Variants in PIGU observed in about 807,000 individuals in gnomAD.
PIGU encodes the protein GPI-anchor transamidase component PIGU.
PIGU carries 24 observed loss-of-function variants against 49.9 expected under a neutral mutation model. The observed-to-expected ratio is 0.48, with a 90% confidence interval of 0.35 to 0.68. PIGU has a LOEUF of 0.68. Ranked by LOEUF, PIGU falls within the 30% of genes least tolerant of loss-of-function variation. The pLI, the probability that PIGU is intolerant of heterozygous loss-of-function variation, is 0.01. For synonymous variants in PIGU, 220 were observed against 205.7 expected (o/e 1.07, Z -0.59); for missense variants, 490 against 532.6 (o/e 0.92, Z 0.79).
Position 34,676,995 on chromosome 20 carries a change from G to C in PIGU, c.91C>G (p.Arg31Gly), listed in dbSNP as rs1321340964. The C allele has an allele frequency of 1.9e-6, 3 of 1,582,712 alleles. No homozygotes were observed. Among genetic ancestry groups the C allele is most frequent in the Non-Finnish European group, 2.6e-6 (3 of 1,165,358 alleles). Residue 31 changes from arginine (R) to glycine (G), a missense_variant, in exon 1 of 12, where the codon CGG (arginine) becomes GGG (glycine). Transcript: ENST00000217446. ...RSSLAEFISE[R>G]VEVVSPLSSW... The stretch of plus-strand genomic sequence containing the variant: ...CTCAGTGGGGACACCACCTCCACCC[G>C]CTCGGAAATGAACTCGGCCAGACTG...
At chr20:34,624,856 G>A (rs1271755204) in intron 6 of PIGU, among the ~76,000 whole-genome samples, 1 of 152,088 alleles carries the variant, frequency 6.6e-6, no homozygotes, top group Non-Finnish European at 1.5e-5. Context: ...ATCTCTCAGA[G>A]TGTCCCAGGC....
At chr20:34,615,100 A>T (rs900606795) in intron 7 of PIGU, among the ~76,000 whole-genome samples, 1 of 152,222 alleles carries the variant, frequency 6.6e-6, no homozygotes, top group African/African-American at 2.4e-5. Flanking sequence ...TAAGTGACTT[A>T]ACCTCCCAAC....
intron 7 of PIGU, among the ~76,000 whole-genome samples, chr20:34,602,116 C>T: frequency 1.3e-5 from 2 of 151,828 alleles, no homozygotes; most frequent in Non-Finnish European, 2.9e-5. Context: ...AACCCGTCTC[C>T]ATTAAAAATA....
intron 10 of PIGU, among the ~76,000 whole-genome samples, chr20:34,578,664 C>T (rs530366663): frequency 6.6e-6 from 1 of 152,334 alleles, no homozygotes; most frequent in Admixed American, 6.5e-5. Context: ...AGAGAACCAT[C>T]ACCAGCATGC....
intron 6 of PIGU, among the ~76,000 whole-genome samples, chr20:34,619,171 A>G (rs963277446): frequency 1.3e-5 from 2 of 152,226 alleles, no homozygotes; most frequent in African/African-American, 4.8e-5. Context: ...CTGTCTCGCC[A>G]TATTGACAGT....
intron 7 of PIGU, among the ~76,000 whole-genome samples, chr20:34,599,562 T>G (rs1964019704): frequency 6.6e-6 from 1 of 152,172 alleles, no homozygotes; most frequent in African/African-American, 2.4e-5. Flanking sequence ...GAGTGCACCC[T>G]TGAAGATGTA....
intron 1 of PIGU, among the ~76,000 whole-genome samples, chr20:34,668,508 C>T (rs1600674960): frequency 7.4e-6 from 1 of 135,114 alleles, no homozygotes; most frequent in East Asian, 2.2e-4. Context: ...TGCTGGCTCA[C>T]ACCCGTAATC....
In PIGU at chr20:34,676,583, G is replaced by A. The variant is rs1471305413; in HGVS notation, c.130+373C>T. Among the ~76,000 whole-genome samples, 3 of 152,088 alleles carry A rather than the reference G, an allele frequency of 2.0e-5. No homozygotes were observed. In the South Asian group the frequency reaches 6.2e-4, roughly 32 times the overall value. ...TTTTATCCCAGGGAGCACCCCTGGC[G>A]ATCCCGCCCCAAATCCCAAACTCCT... On this transcript the variant is annotated intron_variant, in intron 1 of 11. Transcript: ENST00000217446.
intron 6 of PIGU, among the ~76,000 whole-genome samples, chr20:34,621,362 CAAAT>C (rs1397173783): frequency 9.2e-5 from 14 of 151,576 alleles, no homozygotes; most frequent in Admixed American, 9.2e-4. Flanking sequence ...AAATCTAACT[CAAAT>C]AAAGCAGAGC....
At chr20:34,575,757 C>T (rs1983206147) in intron 10 of PIGU, among the ~76,000 whole-genome samples, 1 of 152,148 alleles carries the variant, frequency 6.6e-6, no homozygotes, top group African/African-American at 2.4e-5. Flanking sequence ...TGTCTTAGGA[C>T]CCCTGCCTCG....
rs1568641132 is a variant in PIGU, at chr20:34,616,277, AT to A, written c.530-139del. 5 of 906,154 alleles carry A rather than the reference AT, an allele frequency of 5.5e-6. No individual in the cohort carries two copies. The African/African-American group carries it at 7.1e-5, about 13-fold the overall frequency. The allele number at this position is 906,154 out of a possible 1,614,324, so 56.1% of individuals were successfully genotyped here. On this transcript the variant is annotated intron_variant, in intron 6 of 11. Transcript: ENST00000217446. ...AGTGCCTCCTGGTACACAAGGTGCT[AT>A]GCAAATTCACACAGTAAGAGCTTCT...
At chr20:34,658,548 G>A (rs1986791934) in intron 1 of PIGU, among the ~76,000 whole-genome samples, 2 of 151,754 alleles carry the variant, frequency 1.3e-5, no homozygotes. Context: ...AGGAAGTGAG[G>A]AGCGTCTCTG....
intron 6 of PIGU, among the ~76,000 whole-genome samples, chr20:34,622,586 G>A (rs147044192): frequency 4.1e-4 from 63 of 152,074 alleles, no homozygotes; most frequent in African/African-American, 1.3e-3. Flanking sequence ...GTCAGATCAC[G>A]GAGGGCTAAG....
At chr20:34,563,399 C>G (rs1295858761) in intron 11 of PIGU, among the ~76,000 whole-genome samples, 1 of 151,840 alleles carries the variant, frequency 6.6e-6, no homozygotes, top group Non-Finnish European at 1.5e-5. Context: ...GAAACCCCGT[C>G]TCTACTAAAA....
intron 7 of PIGU, among the ~76,000 whole-genome samples, chr20:34,605,372 C>G (rs1472979791): frequency 2.0e-5 from 3 of 152,260 alleles, no homozygotes; most frequent in African/African-American, 7.2e-5. Context: ...GAAATTCCAC[C>G]AGCAGAATGG....
At chr20:34,579,801 G>C (rs1983386488) in intron 10 of PIGU, among the ~76,000 whole-genome samples, 1 of 152,164 alleles carries the variant, frequency 6.6e-6, no homozygotes. Flanking sequence ...GCATAAAATA[G>C]TTTATTCGTC....
intron 2 of PIGU, among the ~76,000 whole-genome samples, chr20:34,646,523 C>T (rs1258823444): frequency 6.6e-6 from 1 of 152,102 alleles, no homozygotes; most frequent in Non-Finnish European, 1.5e-5. Flanking sequence ...ATTCTCCTGC[C>T]TCAGCCTCCC....
rs563435478 is a variant in PIGU at position 34,589,277 on chromosome 20, T to C, written c.628-670A>G. Among the ~76,000 whole-genome samples the C allele has an allele frequency of 4.6e-5, 7 of 152,294 alleles. No homozygotes were observed. In the South Asian group the frequency reaches 1.2e-3, roughly 27 times the overall value. ...AACTTCATATAACCTGGCATTCATA[T>C]GCAAAATGAAAAGAAATAAACAAGT... On this transcript the variant is annotated intron_variant, in intron 7 of 11. Transcript: ENST00000217446.
intron 6 of PIGU, among the ~76,000 whole-genome samples, chr20:34,629,018 C>CTTT (rs112907819): frequency 7.1e-6 from 1 of 141,210 alleles, no homozygotes; most frequent in Non-Finnish European, 1.5e-5. Context: ...CCATGTGTAA[C>CTTT]TTTTTTTTTT....
Sources: allele counts gnomAD v4.1 joint callset (sites outside exome capture counted in the v4.1 genomes callset), GRCh38; gene constraint gnomAD v4.1.1; transcripts MANE v1.5; gene names NCBI Gene and HGNC (gene_info 2026-07-23, HGNC 2026-07-21).